Variants in NTNG1 observed in about 807,000 individuals in gnomAD.
The protein encoded by NTNG1 is netrin G1.
NTNG1 carries 16 observed loss-of-function variants against 54.0 expected under a neutral mutation model. That is an observed-to-expected ratio of 0.30 (90% CI 0.20 to 0.45). NTNG1 has a LOEUF of 0.45. Ranked by LOEUF, NTNG1 falls within the 20% of genes least tolerant of loss-of-function variation. The pLI, the probability that NTNG1 is intolerant of heterozygous loss-of-function variation, is 1.00. For synonymous variants in NTNG1, 255 were observed against 263.1 expected (o/e 0.97, Z 0.30); for missense variants, 530 against 678.7 (o/e 0.78, Z 2.43).
At chr1:107,206,609 C>T (rs1185102935) in intron 2 of NTNG1, among the ~76,000 whole-genome samples, 1 of 152,108 alleles carries the variant, frequency 6.6e-6, no homozygotes, top group African/African-American at 2.4e-5. Context: ...ACATATAAAA[C>T]ATATAGGGTC....
chr1:107,436,859 A>C, intron 7 of NTNG1, 60 bp downstream of exon 7: 7 of 1,543,460 alleles, frequency 4.5e-6, no homozygotes, highest in Non-Finnish European at 5.3e-6. Flanking sequence ...CTGCTTGGCT[A>C]GGCCGGTGCG....
At chr1:107,428,500 A>C (rs1675041305) in intron 5 of NTNG1, among the ~76,000 whole-genome samples, 1 of 152,122 alleles carries the variant, frequency 6.6e-6, no homozygotes, top group African/African-American at 2.4e-5. Flanking sequence ...AGCTCTATTA[A>C]TTAAATTAGA....
chr1:107,208,577 A>T (rs1659372246), intron 2 of NTNG1, among the ~76,000 whole-genome samples: 1 of 152,164 alleles, frequency 6.6e-6, no homozygotes, highest in Admixed American at 6.5e-5. Context: ...CTAATGAAGG[A>T]ACTCTTTCGT....
chr1:107,410,311 A>G lies in NTNG1; in HGVS notation c.1087+2603A>G, dbSNP rs1673717552. ...TTTTGGGGCCCTAATAAATTTCAGT[A>G]TAGATCTCAAAATGCCAACGCCTGT... On this transcript the variant is annotated intron_variant, in intron 5 of 7. Transcript: ENST00000370068. 2.0e-5 allele frequency: 3 copies of G among 152,266 alleles called. No homozygotes were observed. In the South Asian group the frequency reaches 6.2e-4, roughly 32 times the overall value. The allele number at this position is 152,266 out of a possible 1,614,324, so 9.4% of individuals were successfully genotyped here.
chr1:107,396,488 A>G (rs896691888), intron 4 of NTNG1, among the ~76,000 whole-genome samples: 6 of 152,174 alleles, frequency 3.9e-5, no homozygotes, highest in African/African-American at 1.4e-4. Context: ...TTTCAGTGTT[A>G]AAGAAAAAAA....
intron 4 of NTNG1, among the ~76,000 whole-genome samples, chr1:107,402,324 C>T (rs1673095208): frequency 6.6e-6 from 1 of 152,122 alleles, no homozygotes. Context: ...CTTCTTCATG[C>T]CAACAGGACA....
chr1:107,299,246 T>C (rs1666175486), intron 2 of NTNG1, among the ~76,000 whole-genome samples: 1 of 152,148 alleles, frequency 6.6e-6, no homozygotes, highest in Admixed American at 6.6e-5. Flanking sequence ...TAAATATATA[T>C]GTTTCTTTTA....
intron 3 of NTNG1, among the ~76,000 whole-genome samples, chr1:107,332,238 T>G (rs1210811846): frequency 6.6e-6 from 1 of 152,110 alleles, no homozygotes; most frequent in Non-Finnish European, 1.5e-5. Flanking sequence ...AATTATGAAA[T>G]TCATTAGCAT....
At chr1:107,461,278 T>A (rs1677267093) in intron 7 of NTNG1, among the ~76,000 whole-genome samples, 1 of 152,160 alleles carries the variant, frequency 6.6e-6, no homozygotes. Context: ...AAGGGAGTAC[T>A]TCAGCTGAGA....
intron 7 of NTNG1, among the ~76,000 whole-genome samples, chr1:107,462,272 G>A (rs750496058): frequency 6.6e-6 from 1 of 152,100 alleles, no homozygotes; most frequent in Non-Finnish European, 1.5e-5. Context: ...TATAGACCTC[G>A]AACAGAACAT....
At chr1:107,404,077 T>C (rs1055528963) in intron 4 of NTNG1, among the ~76,000 whole-genome samples, 1 of 47,688 alleles carries the variant, frequency 2.1e-5, no homozygotes, top group Non-Finnish European at 6.2e-5. Context: ...AACTCCTTCT[T>C]AATTTATATA....
chr1:107,154,184 G>C (rs961094345), intron 2 of NTNG1, among the ~76,000 whole-genome samples: 1 of 152,012 alleles, frequency 6.6e-6, no homozygotes, highest in African/African-American at 2.4e-5. Flanking sequence ...AATAAGACCA[G>C]CACTCAGAAT....
intron 2 of NTNG1, among the ~76,000 whole-genome samples, chr1:107,248,627 TA>T (rs1171455021): frequency 2.6e-5 from 4 of 152,196 alleles, no homozygotes; most frequent in Non-Finnish European, 5.9e-5. Flanking sequence ...GATCACAATA[TA>T]AGCGATTTTA....
intron 2 of NTNG1, among the ~76,000 whole-genome samples, chr1:107,209,896 T>A (rs75159969): frequency 0.91 from 135,083 of 149,028 alleles, 61,230 homozygotes; most frequent in East Asian, 1. Flanking sequence ...GACTTCTTTT[T>A]TTTTTTTTTT....
intron 2 of NTNG1, among the ~76,000 whole-genome samples, chr1:107,324,011 T>G (rs2101877240): frequency 6.6e-6 from 1 of 152,208 alleles, no homozygotes; most frequent in East Asian, 1.9e-4. Flanking sequence ...TTCGTGCTTC[T>G]GTGACCACAT....
In NTNG1 at chr1:107,430,802, T is replaced by C. The variant is rs770571259; in HGVS notation, c.1140T>C (p.Asn380=). The change falls in exon 6 of 8, where the codon AAT becomes AAC. Residue 380 remains asparagine (N), a synonymous_variant. Coordinates refer to ENST00000370068, the MANE Select transcript of NTNG1 (RefSeq NM_001113226.3). ...SNRCSYIDLL[N]TVICVSCKHN... The stretch of plus-strand genomic sequence containing the variant: ...GATGCAGTTATATCGATCTGCTAAA[T>C]ACAGTCATTTGCGTGAGCTGTAAAC... 1.2e-6 allele frequency: 2 copies of C among 1,613,320 alleles called. No homozygotes were observed. Among genetic ancestry groups the C allele is most frequent in the Non-Finnish European group, 8.5e-7 (1 of 1,179,626 alleles).
intron 4 of NTNG1, among the ~76,000 whole-genome samples, chr1:107,402,369 G>A (rs747554979): frequency 6.6e-5 from 10 of 152,112 alleles, no homozygotes; most frequent in Non-Finnish European, 1.0e-4. Flanking sequence ...TACCACTCCC[G>A]CTCTTGAGAC....
At chr1:107,470,654 T>A (rs761409801) in intron 7 of NTNG1, among the ~76,000 whole-genome samples, 1 of 152,218 alleles carries the variant, frequency 6.6e-6, no homozygotes, top group Non-Finnish European at 1.5e-5. Context: ...TCCCCATGAA[T>A]TCCATCTTTC....
At chr1:107,150,157 G>A (rs535715657) in intron 2 of NTNG1, among the ~76,000 whole-genome samples, 1 of 152,256 alleles carries the variant, frequency 6.6e-6, no homozygotes, top group South Asian at 2.1e-4. Context: ...GCTATTAGGT[G>A]TCACTGTTAC....
Sources: allele counts gnomAD v4.1 joint callset (sites outside exome capture counted in the v4.1 genomes callset), GRCh38; gene constraint gnomAD v4.1.1; transcripts MANE v1.5; gene names NCBI Gene and HGNC (gene_info 2026-07-23, HGNC 2026-07-21).